Variants in DNMT3A observed in about 807,000 individuals in gnomAD.
DNMT3A encodes DNA methyltransferase 3 alpha.
DNMT3A carries 267 observed loss-of-function variants against 117.6 expected under a neutral mutation model. That is an observed-to-expected ratio of 2.27 (90% confidence interval 2.05 to 2.51). DNMT3A has a LOEUF of 2.51. Ranked by LOEUF, DNMT3A falls within the 30% of genes most tolerant of loss-of-function variation. The pLI, the probability that DNMT3A is intolerant of heterozygous loss-of-function variation, is 0.00. For missense variants in DNMT3A, 1,029 were observed against 1,260.2 expected (o/e 0.82, Z 2.78); for synonymous variants, 432 against 474.8 (o/e 0.91, Z 1.17).
rs1431045620 is a variant in DNMT3A, at chr2:25,234,013, A to G, written c.*266T>C. ...AAAGGTCTGACCGAAAAAAAAGGGA[A>G]GGGGGAGGAAGGGAAGGGAGCTTGG... is the stretch of plus-strand genomic sequence containing the variant. On this transcript the variant is annotated 3_prime_UTR_variant, in exon 23 of 23. Coordinates refer to ENST00000321117, the MANE Select transcript of DNMT3A (RefSeq NM_022552.5). The surrounding 1 kb of genome is among the most constrained non-coding windows in gnomAD (Gnocchi z 4.5). 3 of 331,014 alleles carry G rather than the reference A, an allele frequency of 9.1e-6. No homozygotes were observed. The highest frequency in any genetic ancestry group is 1.0e-4 in the Admixed American group (2 of 19,888). The allele number at this position is 331,014 out of a possible 1,614,324, so 20.5% of individuals were successfully genotyped here. A position where few individuals can be genotyped will look rare whatever the true frequency, so the allele number is the denominator to read the frequency against.
At chr2:25,329,521 C>G (rs963485312) in intron 1 of DNMT3A, among the ~76,000 whole-genome samples, 1 of 152,076 alleles carries the variant, frequency 6.6e-6, no homozygotes, top group Non-Finnish European at 1.5e-5. Flanking sequence ...TGTGCTCACT[C>G]CTAGGAACGG....
In DNMT3A at chr2:25,239,201, C is replaced by T. The variant is rs2149267652; in HGVS notation, c.2337G>A (p.Met779Ile). The T allele has an allele frequency of 1.9e-6, 3 of 1,613,972 alleles. No homozygotes were observed. The highest frequency in any genetic ancestry group is 2.5e-6 in the Non-Finnish European group (3 of 1,179,900). ...ISRFLESNPV[M>I]IDAKEVSAAH... ...CAGCTGACACTTCTTTGGCATCAAT[C>T]ATCACAGGGTTGGACTACAAAACAG... The change falls in exon 20 of 23, where the codon ATG becomes ATA. Residue 779 changes from methionine (M) to isoleucine (I), a missense_variant. By Grantham distance (10) the Met-to-Ile change is conservative. Transcript: ENST00000321117.
At chr2:25,326,310 G>A (rs1204901006) in intron 1 of DNMT3A, among the ~76,000 whole-genome samples, 1 of 152,152 alleles carries the variant, frequency 6.6e-6, no homozygotes, top group Non-Finnish European at 1.5e-5. Flanking sequence ...GCCAGGGATT[G>A]GTAGAATGAT....
intron 3 of DNMT3A, among the ~76,000 whole-genome samples, chr2:25,295,428 C>T (rs2033033044): frequency 6.6e-6 from 1 of 152,234 alleles, no homozygotes; most frequent in Non-Finnish European, 1.5e-5. Flanking sequence ...AGGCCGTTGC[C>T]GATTTTAAGC....
In DNMT3A at chr2:25,229,240, C is replaced by G. The variant is rs1406167563; in HGVS notation, c.*5039G>C. 1.3e-5 allele frequency: 2 copies of G among 152,532 alleles called. No individual in the cohort carries two copies. The highest frequency in any genetic ancestry group is 2.4e-5 in the African/African-American group (1 of 41,438). 9.4% of individuals were successfully genotyped at this position (152,532 alleles called of 1,614,324 possible). ...CAACAGCAGAGTCCATCCTCTCACC[C>G]CTTCCCTCTCCTCCCGGTCCTCCTG... On this transcript the variant is annotated 3_prime_UTR_variant, in exon 23 of 23. Coordinates refer to ENST00000321117, the MANE Select transcript of DNMT3A (RefSeq NM_022552.5).
intron 6 of DNMT3A, among the ~76,000 whole-genome samples, chr2:25,248,690 G>C (rs1194898154): frequency 6.6e-6 from 1 of 152,058 alleles, no homozygotes; most frequent in Non-Finnish European, 1.5e-5. Flanking sequence ...TGGGATTACA[G>C]GCATGTACCA....
rs537591074 is a variant in DNMT3A at position 25,327,199 on chromosome 2, C to T, written c.-177-13038G>A. On this transcript the variant is annotated intron_variant, in intron 1 of 22. Transcript: ENST00000321117. This position sits in a 1 kb window ranked among gnomAD's most constrained non-coding sequence, Gnocchi z 4.1. The stretch of plus-strand genomic sequence containing the variant: ...ATTTTTACTTCTTACTAGCCAATTC[C>T]TCATTATTCCAATCCAATTAGAGTT... Among the ~76,000 whole-genome samples, 50 of 152,262 alleles carry T rather than the reference C, an allele frequency of 3.3e-4. No homozygotes were observed. The highest frequency in any genetic ancestry group is 2.4e-3 in the Admixed American group (37 of 15,306).
At chr2:25,235,961 T>A in intron 21 of DNMT3A, 136 bp from the exon 22 acceptor site, 1 of 776,496 alleles carries the variant, frequency 1.3e-6, no homozygotes, top group Non-Finnish European at 2.2e-6. Context: ...GGTATGGCTC[T>A]GAGTGAGCAG....
At chr2:25,308,909 C>T (rs2033924716) in intron 2 of DNMT3A, among the ~76,000 whole-genome samples, 2 of 151,700 alleles carry the variant, frequency 1.3e-5, no homozygotes, top group African/African-American at 2.4e-5. Context: ...GCCTCTGGGC[C>T]AGACTTTGAT....
rs981395349 is a variant in DNMT3A at position 25,293,783 on chromosome 2, G to A, written c.177+6356C>T. 5.9e-5 allele frequency among the ~76,000 whole-genome samples: 9 copies of A among 152,108 alleles called. No homozygotes were observed. The highest frequency in any genetic ancestry group is 5.9e-4 in the Admixed American group (9 of 15,278). On this transcript the variant is annotated intron_variant, in intron 3 of 22. Transcript: ENST00000321117. The surrounding 1 kb of genome is among the most constrained non-coding windows in gnomAD (Gnocchi z 4.7). Reference sequence around the variant, plus strand: ...GCCTGCCCAGGTTCAAGCGATTCTCGTGCCTCAGCCTCCTGGGCAGCTGGG... The same window carrying A: ...GCCTGCCCAGGTTCAAGCGATTCTCATGCCTCAGCCTCCTGGGCAGCTGGG...
Position 25,306,990 on chromosome 2 carries a change from G to T in DNMT3A, c.73-6747C>A, listed in dbSNP as rs1340756941. 2.8e-5 allele frequency among the ~76,000 whole-genome samples: 4 copies of T among 142,832 alleles called. No homozygotes were observed. Among genetic ancestry groups the T allele is most frequent in the Non-Finnish European group, 4.7e-5 (3 of 64,376 alleles). The allele number at this position is 142,832 out of a possible 152,430, so 93.7% of individuals were successfully genotyped here. On this transcript the variant is annotated intron_variant, in intron 2 of 22. Transcript: ENST00000321117. This position sits in a 1 kb window ranked among gnomAD's most constrained non-coding sequence, Gnocchi z 4.1. The stretch of plus-strand genomic sequence containing the variant: ...CTTGCTTAATAGAGGGGAAGATCCA[G>T]ATAAAACTACTTTGTAGCCGTGTGG...
At chr2:25,245,390 G>A (rs1435226555) in intron 12 of DNMT3A, 58 bp from the exon 13 acceptor site, 3 of 1,515,256 alleles carry the variant, frequency 2.0e-6, no homozygotes, top group Admixed American at 1.8e-5. Flanking sequence ...TCCCTCCCCG[G>A]GCCGGAGCCC....
At chr2:25,241,435 AAG>A in intron 17 of DNMT3A, 125 bp downstream of exon 17, 1 of 1,310,586 alleles carries the variant, frequency 7.6e-7, no homozygotes, top group Non-Finnish European at 1.0e-6. Flanking sequence ...TAAGGAGAAA[AAG>A]AGGCTGGGGC....
rs1025599291 is a variant in DNMT3A at position 25,305,899 on chromosome 2, C to T, written c.73-5656G>A. 6.6e-6 allele frequency among the ~76,000 whole-genome samples: 1 copy of T among 152,214 alleles called. No individual in the cohort carries two copies. The highest frequency in any genetic ancestry group is 6.5e-5 in the Admixed American group (1 of 15,292). On this transcript the variant is annotated intron_variant, in intron 2 of 22. Transcript: ENST00000321117. This position sits in a 1 kb window ranked among gnomAD's most constrained non-coding sequence, Gnocchi z 4.1. ...CGTGTATTCCCTTCAGTACTTAAAC[C>T]GGATGCTACTGACCCAGCATCGGTT... is the stretch of plus-strand genomic sequence containing the variant.
At chr2:25,275,628 G>T (rs2031344260) in intron 4 of DNMT3A, 85 bp from the exon 5 acceptor site, 5 of 1,456,546 alleles carry the variant, frequency 3.4e-6, no homozygotes, top group African/African-American at 2.9e-5. Context: ...TGTGCCTGGG[G>T]TCCCTGCCAC....
intron 1 of DNMT3A, among the ~76,000 whole-genome samples, chr2:25,336,667 C>T (rs757740366): frequency 1.3e-5 from 2 of 152,030 alleles, no homozygotes; most frequent in South Asian, 2.1e-4. Context: ...CTGGCCGCCA[C>T]GCTGAGGCAG....
At chr2:25,244,024 G>A in intron 15 of DNMT3A, 42 bp from the exon 16 acceptor site, 2 of 1,551,602 alleles carry the variant, frequency 1.3e-6, no homozygotes, top group Non-Finnish European at 1.7e-6. Flanking sequence ...GCCCAGCGGT[G>A]TCCCAAGCTC....
chr2:25,284,501 G>C (rs1203914548), intron 3 of DNMT3A, among the ~76,000 whole-genome samples: 1 of 151,714 alleles, frequency 6.6e-6, no homozygotes, highest in African/African-American at 2.4e-5. Context: ...CTAAAAATTA[G>C]CTGGGTGTGG....
chr2:25,341,871 C>T lies in DNMT3A; in HGVS notation c.-223G>A. 2 of 979,966 alleles carry T rather than the reference C, an allele frequency of 2.0e-6. No individual in the cohort carries two copies. The highest frequency in any genetic ancestry group is 2.4e-6 in the Non-Finnish European group (2 of 827,602). The allele number at this position is 979,966 out of a possible 1,614,324, so 60.7% of individuals were successfully genotyped here. Reference sequence around the variant, plus strand: ...GCCGGCCCGGCTGCGCGCCCTGGTGCCGCGGCGCCGCGTCCCGGCTCGTCC... The same window carrying T: ...GCCGGCCCGGCTGCGCGCCCTGGTGTCGCGGCGCCGCGTCCCGGCTCGTCC... On this transcript the variant is annotated 5_prime_UTR_variant, in exon 1 of 23. Coordinates refer to ENST00000321117, the MANE Select transcript of DNMT3A (RefSeq NM_022552.5).
Sources: gnomAD v4.1 joint callset for allele counts (sites outside exome capture counted in the v4.1 genomes callset) on GRCh38, gnomAD v4.1.1 for gene constraint, Gnocchi (gnomAD v3.1) non-coding constraint, MANE v1.5 for transcripts, NCBI Gene and HGNC (gene_info 2026-07-23, HGNC 2026-07-21) for gene names.